Variants in COL25A1 observed in about 807,000 individuals in gnomAD.
The protein encoded by COL25A1 is collagen alpha-1(XXV) chain.
Under a neutral mutation model 128.4 loss-of-function variants are expected in COL25A1, and 103 were observed. That is an observed-to-expected ratio of 0.80 (90% confidence interval 0.68 to 0.94). COL25A1 has a LOEUF of 0.94. Among genes scored for constraint, COL25A1 ranks in the 40% least tolerant of loss-of-function variants. The pLI is 0.00. For synonymous variants in COL25A1, 279 were observed against 277.2 expected (o/e 1.01, Z -0.06); for missense variants, 745 against 840.0 (o/e 0.89, Z 1.40).
chr4:109,009,341 A>G (rs1756356611), intron 6 of COL25A1, among the ~76,000 whole-genome samples: 1 of 152,248 alleles, frequency 6.6e-6, no homozygotes, highest in South Asian at 2.1e-4. Context: ...AGATATCAAT[A>G]TAAGTTAATT....
intron 3 of COL25A1, among the ~76,000 whole-genome samples, chr4:109,065,775 T>G (rs111823490): frequency 2.6e-5 from 4 of 152,244 alleles, no homozygotes; most frequent in African/African-American, 9.6e-5. Flanking sequence ...TGGTCATTAG[T>G]CCTAGATTTT....
intron 8 of COL25A1, among the ~76,000 whole-genome samples, chr4:108,962,439 A>G (rs1750836096): frequency 6.6e-6 from 1 of 152,090 alleles, no homozygotes; most frequent in Non-Finnish European, 1.5e-5. Context: ...TCGGCCTCCC[A>G]AAATGCTGGG....
intron 14 of COL25A1, among the ~76,000 whole-genome samples, chr4:108,899,961 T>A (rs1742634354): frequency 6.6e-6 from 1 of 152,144 alleles, no homozygotes; most frequent in Non-Finnish European, 1.5e-5. Flanking sequence ...ATATACATTA[T>A]GAAAATAGTT....
chr4:109,064,130 G>A (rs1762212609), intron 3 of COL25A1, among the ~76,000 whole-genome samples: 3 of 152,142 alleles, frequency 2.0e-5, no homozygotes, highest in Admixed American at 1.3e-4. Flanking sequence ...ATAGAAAATC[G>A]GTGGTACTAT....
intron 3 of COL25A1, among the ~76,000 whole-genome samples, chr4:109,265,136 A>C (rs896010895): frequency 1.3e-5 from 2 of 152,196 alleles, no homozygotes; most frequent in Non-Finnish European, 2.9e-5. Flanking sequence ...TGATTTAGTA[A>C]GCTGAGCAAA....
At chr4:109,164,664 G>C (rs2189702) in intron 3 of COL25A1, among the ~76,000 whole-genome samples, 127,509 of 152,174 alleles carry the variant, frequency 0.84, 54,150 homozygotes, top group East Asian at 1. Flanking sequence ...CAAAAGTCCT[G>C]TAGGGTGCAT....
chr4:109,218,356 G>GTTTTTTTTTTTTTTTTTTTT (rs796441649), intron 3 of COL25A1, among the ~76,000 whole-genome samples: 44 of 100,464 alleles, frequency 4.4e-4, no homozygotes, highest in African/African-American at 1.5e-3. Flanking sequence ...GGTTTTTTGG[G>GTTTTTTTTTTTTTTTTTTTT]GTTTTTTTTT....
At chr4:109,156,888 G>C (rs958509874) in intron 3 of COL25A1, among the ~76,000 whole-genome samples, 1 of 152,128 alleles carries the variant, frequency 6.6e-6, no homozygotes, top group Non-Finnish European at 1.5e-5. Flanking sequence ...TCTCAAAGAT[G>C]TCTGTGATCC....
chr4:108,905,134 T>G (rs999431145), intron 13 of COL25A1, among the ~76,000 whole-genome samples: 2 of 152,114 alleles, frequency 1.3e-5, no homozygotes, highest in African/African-American at 4.8e-5. Context: ...TTCTGGAAAT[T>G]GGAATGAGAA....
chr4:109,053,834 G>A (rs1761197634), intron 3 of COL25A1, among the ~76,000 whole-genome samples: 1 of 152,128 alleles, frequency 6.6e-6, no homozygotes, highest in South Asian at 2.1e-4. Flanking sequence ...TTGACCTCTT[G>A]TTTTCTATTT....
chr4:109,200,267 G>A (rs1208205288), intron 3 of COL25A1, among the ~76,000 whole-genome samples: 1 of 152,154 alleles, frequency 6.6e-6, no homozygotes, highest in African/African-American at 2.4e-5. Context: ...CCATGCCTAG[G>A]AGTTAACTTC....
At chr4:108,905,336 G>A (rs1271365516) in intron 13 of COL25A1, among the ~76,000 whole-genome samples, 1 of 150,858 alleles carries the variant, frequency 6.6e-6, no homozygotes, top group East Asian at 2.0e-4. Context: ...CACTAAAAAT[G>A]TGAATATTAT....
At chr4:109,241,521 G>T (rs1779896208) in intron 3 of COL25A1, among the ~76,000 whole-genome samples, 1 of 151,162 alleles carries the variant, frequency 6.6e-6, no homozygotes, top group South Asian at 2.1e-4. Flanking sequence ...TTTCTAGATG[G>T]TTTCTGAATA....
At chr4:108,840,886 A>C (rs1279667733) in intron 31 of COL25A1, among the ~76,000 whole-genome samples, 1 of 152,208 alleles carries the variant, frequency 6.6e-6, no homozygotes, top group Non-Finnish European at 1.5e-5. Flanking sequence ...TTATCACAGC[A>C]CTGTAAGGTG....
At chr4:109,210,610 T>C (rs1777417641) in intron 3 of COL25A1, among the ~76,000 whole-genome samples, 2 of 152,174 alleles carry the variant, frequency 1.3e-5, no homozygotes, top group South Asian at 2.1e-4. Context: ...TGAAAAATCA[T>C]ACAATCGTGA....
At position 108,889,688 on chromosome 4, in the gene COL25A1, A is replaced by T; in HGVS notation, c.939+13T>A. The T allele has an allele frequency of 6.2e-7, 1 of 1,612,722 alleles. No individual in the cohort carries two copies. The highest frequency in any genetic ancestry group is 1.3e-5 in the African/African-American group (1 of 74,994). On this transcript the variant is annotated intron_variant, in intron 17 of 37. Transcript: ENST00000399132. ...AACTCCTGGAGTACAAATACTTGCAAGGTTATAGTTACCTTAATTCCTGCA... is the reference window on the plus strand; with the variant it reads ...AACTCCTGGAGTACAAATACTTGCATGGTTATAGTTACCTTAATTCCTGCA...
intron 16 of COL25A1, among the ~76,000 whole-genome samples, chr4:108,893,008 A>G (rs902433292): frequency 1.3e-5 from 2 of 152,214 alleles, no homozygotes; most frequent in African/African-American, 4.8e-5. Context: ...AGGGTGGGAT[A>G]GGCCTTCAGG....
intron 8 of COL25A1, among the ~76,000 whole-genome samples, chr4:108,958,381 C>T (rs756846203): frequency 6.6e-6 from 1 of 151,978 alleles, no homozygotes; most frequent in African/African-American, 2.4e-5. Context: ...TAGAAGTATA[C>T]GGACTAGTAT....
At chr4:109,053,522 G>A (rs1395977827) in intron 3 of COL25A1, among the ~76,000 whole-genome samples, 2 of 152,174 alleles carry the variant, frequency 1.3e-5, no homozygotes, top group African/African-American at 4.8e-5. Flanking sequence ...ACATGATCGT[G>A]AGGGTGGGTG....
Sources: allele counts gnomAD v4.1 joint callset (sites outside exome capture counted in the v4.1 genomes callset), GRCh38; gene constraint gnomAD v4.1.1; transcripts MANE v1.5; gene names NCBI Gene and HGNC (gene_info 2026-07-23, HGNC 2026-07-21).